KLHL7: variants seen among roughly 807,000 people sequenced by gnomAD.
The protein encoded by KLHL7 is kelch-like protein 7.
Under a neutral mutation model 67.4 loss-of-function variants are expected in KLHL7, and 44 were observed. The ratio of observed to expected loss-of-function variants is 0.65; its 90% CI spans 0.51 to 0.84. KLHL7 has a LOEUF of 0.84. Ranked by LOEUF, KLHL7 falls within the 40% of genes least tolerant of loss-of-function variation. KLHL7 has a pLI of 0.00. For missense variants in KLHL7, 362 were observed against 718.1 expected, an observed-to-expected ratio of 0.50 and a Z score of 5.67; for synonymous variants, 252 against 243.3, an observed-to-expected ratio of 1.04 and a Z score of -0.33.
rs950176686 is a variant in KLHL7 at position 23,134,686 on chromosome 7, T to A, written c.443-6083T>A. On this transcript the variant is annotated intron_variant, in intron 4 of 10. Coordinates refer to ENST00000339077, the MANE Select transcript of KLHL7 (RefSeq NM_001031710.3). ...ACTTCCTGATTCAATCTTGGTAGGT[T>A]GTATGTATCTAGAAATTTGCTCATT... 7.9e-5 allele frequency among the ~76,000 whole-genome samples: 12 copies of A among 152,320 alleles called. No individual in the cohort carries two copies. In the East Asian group the frequency reaches 2.3e-3, roughly 29 times the overall value.
At position 23,151,242 on chromosome 7, in the gene KLHL7, G is replaced by T. The variant is rs1013775187; in HGVS notation, c.794-825G>T. 4.6e-5 allele frequency among the ~76,000 whole-genome samples: 7 copies of T among 151,054 alleles called. No homozygotes were observed. The South Asian group carries it at 1.0e-3, about 23-fold the overall frequency. On this transcript the variant is annotated intron_variant, in intron 6 of 10. Transcript: ENST00000339077. The stretch of plus-strand genomic sequence containing the variant: ...CAGATTTTTATTGATTTGAAATTGA[G>T]AGTGAAATATGAGGTAGGGGTATAA...
chr7:23,175,596 T>C lies in KLHL7; in HGVS notation c.*1298T>C. 1 of 311,628 alleles carries C rather than the reference T, an allele frequency of 3.2e-6. No individual in the cohort carries two copies. The highest frequency in any genetic ancestry group is 2.9e-5 in the South Asian group (1 of 34,734). The allele number at this position is 311,628 out of a possible 1,614,324, so 19.3% of individuals were successfully genotyped here. The stretch of plus-strand genomic sequence containing the variant: ...AAACATAATGATAGGTATATTTCTA[T>C]TTGTGTAGGGTTTTTTAATGTACAG... On this transcript the variant is annotated 3_prime_UTR_variant, in exon 11 of 11. Transcript: ENST00000339077.
chr7:23,146,803 C>T (rs1172950614), intron 6 of KLHL7, among the ~76,000 whole-genome samples: 1 of 151,950 alleles, frequency 6.6e-6, no homozygotes, highest in Non-Finnish European at 1.5e-5. Flanking sequence ...ATTTGAAACA[C>T]ATTAAACTAA....
At chr7:23,137,154 G>C (rs1784007805) in intron 4 of KLHL7, among the ~76,000 whole-genome samples, 1 of 152,130 alleles carries the variant, frequency 6.6e-6, no homozygotes, top group South Asian at 2.1e-4. Flanking sequence ...GCATGGTGGT[G>C]TGTGCCTATA....
chr7:23,140,412 C>G (rs1009185816), intron 4 of KLHL7, among the ~76,000 whole-genome samples: 3 of 152,140 alleles, frequency 2.0e-5, no homozygotes, highest in Non-Finnish European at 4.4e-5. Flanking sequence ...AAAAAATTAG[C>G]CAGGCGTGGT....
At chr7:23,109,375 C>T (rs1046486793) in intron 1 of KLHL7, among the ~76,000 whole-genome samples, 1 of 152,244 alleles carries the variant, frequency 6.6e-6, no homozygotes, top group African/African-American at 2.4e-5. Context: ...GTCACTATTG[C>T]ACATGCACAT....
At chr7:23,154,733 GA>G (rs1156705991) in intron 7 of KLHL7, among the ~76,000 whole-genome samples, 1 of 152,180 alleles carries the variant, frequency 6.6e-6, no homozygotes, top group Non-Finnish European at 1.5e-5. Flanking sequence ...CCTGCCAGCT[GA>G]AAAGGAATTC....
intron 3 of KLHL7, 108 bp downstream of exon 3, chr7:23,124,889 G>T (rs765041293): frequency 2.2e-5 from 24 of 1,116,100 alleles, no homozygotes; most frequent in Non-Finnish European, 3.2e-5. Flanking sequence ...ATGAAAAACC[G>T]CAAGGATGGA....
chr7:23,151,500 A>G (rs1312724942), intron 6 of KLHL7, among the ~76,000 whole-genome samples: 1 of 150,568 alleles, frequency 6.6e-6, no homozygotes, highest in Non-Finnish European at 1.5e-5. Context: ...GGTGTTAAAT[A>G]TGCAGATGCT....
At chr7:23,159,331 T>A (rs1266464497) in intron 7 of KLHL7, among the ~76,000 whole-genome samples, 1 of 152,034 alleles carries the variant, frequency 6.6e-6, no homozygotes, top group African/African-American at 2.4e-5. Context: ...ACATGGCCAT[T>A]TAAAAAAAAT....
chr7:23,106,050 G>A lies in KLHL7; in HGVS notation c.24G>A (p.Lys8=). MAASGVE[K]SSKKKTEKKL... ...GGATGGCAGCCTCTGGGGTGGAGAA[G>A]AGCAGCAAGAAGAAGACCGAGAAGA... The change falls in exon 1 of 11, where the codon AAG becomes AAA. Residue 8 remains lysine (K), a synonymous_variant. Transcript: ENST00000339077. 1 of 1,610,350 alleles carries A rather than the reference G, an allele frequency of 6.2e-7. No homozygotes were observed. Among genetic ancestry groups the A allele is most frequent in the African/African-American group, 1.3e-5 (1 of 75,056 alleles).
rs372561796 is a variant in KLHL7, at chr7:23,117,996, A to T, written c.121-5781A>T. 176 of 1,613,002 alleles carry T rather than the reference A, an allele frequency of 1.1e-4. 1 individual carries two copies. In the African/African-American group the frequency reaches 2.1e-3, roughly 19 times the overall value. The stretch of plus-strand genomic sequence containing the variant: ...CATTCCTCAGTCTTCTCTTTGGGAT[A>T]TAACAAAGAATAGAACGTGGGGCAG... On this transcript the variant is annotated intron_variant, in intron 1 of 10. Coordinates refer to ENST00000339077, the MANE Select transcript of KLHL7 (RefSeq NM_001031710.3).
At chr7:23,153,642 G>A (rs1350690561) in intron 7 of KLHL7, among the ~76,000 whole-genome samples, 3 of 152,184 alleles carry the variant, frequency 2.0e-5, no homozygotes, top group African/African-American at 7.2e-5. Flanking sequence ...GCATAAAGGA[G>A]GCTGGCCTTG....
intron 2 of KLHL7, 122 bp downstream of exon 2, chr7:23,124,001 G>A: frequency 1.4e-6 from 1 of 727,102 alleles, no homozygotes; most frequent in Admixed American, 2.3e-5. Flanking sequence ...ACAGAACAGT[G>A]AAGAGATTGA....
At chr7:23,152,739 T>G (rs541138660) in intron 7 of KLHL7, among the ~76,000 whole-genome samples, 1 of 152,244 alleles carries the variant, frequency 6.6e-6, no homozygotes, top group African/African-American at 2.4e-5. Context: ...TCAGGAGAGC[T>G]TGAGTCATAG....
chr7:23,131,733 C>CTT (rs59719158), intron 4 of KLHL7, among the ~76,000 whole-genome samples: 4 of 125,252 alleles, frequency 3.2e-5, no homozygotes, highest in Middle Eastern at 4.0e-3. Context: ...CTTATTTATT[C>CTT]TTTTTTTTTT....
chr7:23,157,888 AAC>A (rs1784753727), intron 7 of KLHL7, among the ~76,000 whole-genome samples: 1 of 152,192 alleles, frequency 6.6e-6, no homozygotes, highest in African/African-American at 2.4e-5. Flanking sequence ...GGAGAGTGGA[AAC>A]AGAGCTGCAC....
At chr7:23,117,045 A>G (rs891362579) in intron 1 of KLHL7, among the ~76,000 whole-genome samples, 4 of 143,440 alleles carry the variant, frequency 2.8e-5, no homozygotes, top group African/African-American at 7.8e-5. Context: ...TATCTTTAGC[A>G]TTAAGAGGAA....
Position 23,106,041 on chromosome 7 carries a change from G to A in KLHL7, c.15G>A (p.Gly5=), listed in dbSNP as rs753287578. ...GCTGAGGGAGGATGGCAGCCTCTGG[G>A]GTGGAGAAGAGCAGCAAGAAGAAGA... MAAS[G]VEKSSKKKTE... The change falls in exon 1 of 11, where the codon GGG becomes GGA. Residue 5 remains glycine, a synonymous_variant. Transcript: ENST00000339077. The A allele has an allele frequency of 2.0e-5, 32 of 1,610,342 alleles. No individual in the cohort carries two copies. The East Asian group carries it at 2.7e-4, about 13-fold the overall frequency.
Sources: allele counts gnomAD v4.1 joint callset (sites outside exome capture counted in the v4.1 genomes callset), GRCh38; gene constraint gnomAD v4.1.1; transcripts MANE v1.5; gene names NCBI Gene and HGNC (gene_info 2026-07-23, HGNC 2026-07-21).